Variants in PTPRE observed in about 807,000 individuals in gnomAD.
The protein encoded by PTPRE is protein tyrosine phosphatase receptor type E.
In PTPRE, 51 loss-of-function variants were observed where a neutral mutation model predicts 102.0. The ratio of observed to expected loss-of-function variants is 0.50; its 90% confidence interval spans 0.40 to 0.63. The LOEUF is 0.63. Among genes scored for constraint, PTPRE ranks in the 30% least tolerant of loss-of-function variants. The probability of loss-of-function intolerance (pLI) is 0.00; values close to 1 mark genes in which losing one functional copy is unlikely to be tolerated. For synonymous variants in PTPRE, 345 were observed against 348.2 expected (o/e 0.99, Z 0.10); for missense variants, 752 against 915.1 (o/e 0.82, Z 2.30).
chr10:128,059,960 C>A (rs1346488407), intron 7 of PTPRE, among the ~76,000 whole-genome samples: 2 of 150,536 alleles, frequency 1.3e-5, no homozygotes, highest in African/African-American at 4.9e-5. Flanking sequence ...ACACAACACA[C>A]ACACTACACA....
intron 2 of PTPRE, 142 bp from the exon 3 acceptor site, chr10:128,040,733 C>T (rs1039614122): frequency 1.6e-5 from 10 of 632,736 alleles, no homozygotes; most frequent in African/African-American, 7.3e-5. Flanking sequence ...TGAGATGATC[C>T]GTGAAAGTGA....
chr10:127,998,960 T>C (rs1853579306), intron 2 of PTPRE: 1 of 152,192 alleles, frequency 6.6e-6, no homozygotes, highest in Non-Finnish European at 1.5e-5. Flanking sequence ...TCCATTTCCC[T>C]TTTTGTTTTA....
intron 1 of PTPRE, among the ~76,000 whole-genome samples, chr10:127,967,774 C>T (rs1163583881): frequency 6.6e-6 from 1 of 152,186 alleles, no homozygotes; most frequent in Non-Finnish European, 1.5e-5. Context: ...TCCCCCAGCC[C>T]AATCCCCTTA....
chr10:128,072,858 C>T (rs1850903697), intron 16 of PTPRE, among the ~76,000 whole-genome samples: 1 of 152,094 alleles, frequency 6.6e-6, no homozygotes, highest in African/African-American at 2.4e-5. Context: ...CCCACGTGGA[C>T]AATACAATTA....
At chr10:127,908,333 G>C (rs928181959) in intron 1 of PTPRE, among the ~76,000 whole-genome samples, 20 of 152,016 alleles carry the variant, frequency 1.3e-4, no homozygotes, top group Non-Finnish European at 2.5e-4. Context: ...TTTGGCCCCA[G>C]GTACCCCTTG....
chr10:127,987,747 G>A lies in PTPRE; in HGVS notation c.-8+5451G>A, dbSNP rs568747570. ...TCCCTAACAATTGCTGGGGACATAG[G>A]CCGGCTCGATGACATGGGAAAATCC... On this transcript the variant is annotated intron_variant, in intron 2 of 20. Coordinates refer to ENST00000254667, the MANE Select transcript of PTPRE (RefSeq NM_006504.6). 3.3e-5 allele frequency among the ~76,000 whole-genome samples: 5 copies of A among 152,338 alleles called. No individual in the cohort carries two copies. In the East Asian group the frequency reaches 9.6e-4, roughly 29 times the overall value.
At chr10:127,981,555 T>C (rs946862507) in intron 1 of PTPRE, among the ~76,000 whole-genome samples, 1 of 152,160 alleles carries the variant, frequency 6.6e-6, no homozygotes, top group Non-Finnish European at 1.5e-5. Flanking sequence ...TGGAGGCTCA[T>C]GCCTGTAATC....
chr10:127,914,309 C>T (rs111477957), intron 1 of PTPRE, among the ~76,000 whole-genome samples: 5,378 of 152,232 alleles, frequency 0.035, 132 homozygotes, highest in Middle Eastern at 0.085. Context: ...AATTACCCAG[C>T]GTCAGGTATT....
intron 2 of PTPRE, among the ~76,000 whole-genome samples, chr10:127,995,823 GCA>G (rs143328396): frequency 0.065 from 9,559 of 148,066 alleles, 593 homozygotes; most frequent in African/African-American, 0.16. Context: ...CTCTACACGA[GCA>G]CACACACACA....
intron 1 of PTPRE, among the ~76,000 whole-genome samples, chr10:127,927,647 C>T (rs1847132119): frequency 6.6e-6 from 1 of 152,142 alleles, no homozygotes; most frequent in South Asian, 2.1e-4. Context: ...GGGGTGCTGC[C>T]TGGGAATTGG....
chr10:127,982,988 C>T (rs184924995), intron 2 of PTPRE, among the ~76,000 whole-genome samples: 2 of 152,302 alleles, frequency 1.3e-5, no homozygotes, highest in East Asian at 1.9e-4. Flanking sequence ...GTGAGTGGCA[C>T]GTGGACTTCT....
chr10:127,996,544 C>T (rs1250823068), intron 2 of PTPRE, among the ~76,000 whole-genome samples: 1 of 152,200 alleles, frequency 6.6e-6, no homozygotes, highest in African/African-American at 2.4e-5. Flanking sequence ...TGCAGCTTCC[C>T]CAGTTTTTAT....
chr10:127,910,314 C>T (rs936917534), intron 1 of PTPRE, among the ~76,000 whole-genome samples: 1 of 152,178 alleles, frequency 6.6e-6, no homozygotes, highest in African/African-American at 2.4e-5. Flanking sequence ...TTATTTCCAT[C>T]TTAGAAACTC....
intron 6 of PTPRE, among the ~76,000 whole-genome samples, chr10:128,054,128 C>T (rs998281483): frequency 6.6e-6 from 1 of 152,140 alleles, no homozygotes; most frequent in Non-Finnish European, 1.5e-5. Flanking sequence ...ACAGAAAGTA[C>T]AGAGTTCCCA....
intron 6 of PTPRE, among the ~76,000 whole-genome samples, chr10:128,052,812 C>T (rs757471149): frequency 1.3e-5 from 2 of 152,214 alleles, no homozygotes; most frequent in African/African-American, 2.4e-5. Context: ...AACAAACAAA[C>T]CAGAACCATT....
chr10:127,924,992 A>G (rs948162129), intron 1 of PTPRE, among the ~76,000 whole-genome samples: 3 of 152,248 alleles, frequency 2.0e-5, no homozygotes, highest in African/African-American at 7.2e-5. Context: ...CCTATGAACT[A>G]TGCTAACTCA....
At chr10:127,938,749 A>G (rs1365188410) in intron 1 of PTPRE, among the ~76,000 whole-genome samples, 2 of 152,280 alleles carry the variant, frequency 1.3e-5, no homozygotes, top group Middle Eastern at 3.4e-3. Flanking sequence ...TATCAATGCT[A>G]TTGTAACTAC....
At chr10:128,037,827 T>C (rs187077521) in intron 2 of PTPRE, among the ~76,000 whole-genome samples, 10 of 152,332 alleles carry the variant, frequency 6.6e-5, no homozygotes, top group African/African-American at 2.2e-4. Flanking sequence ...AGTCTCGCTC[T>C]ATTGCCCAGG....
chr10:127,914,408 C>T (rs1474183243), intron 1 of PTPRE, among the ~76,000 whole-genome samples: 2 of 152,210 alleles, frequency 1.3e-5, no homozygotes, highest in East Asian at 3.9e-4. Context: ...TTTTCTGACA[C>T]TATCATACTT....
Sources: allele counts gnomAD v4.1 joint callset (sites outside exome capture counted in the v4.1 genomes callset), GRCh38; gene constraint gnomAD v4.1.1; transcripts MANE v1.5; gene names NCBI Gene and HGNC (gene_info 2026-07-23, HGNC 2026-07-21).